Variants in NXPE2 observed in about 807,000 individuals in gnomAD.
NXPE2 encodes NXPE family member 2.
A neutral mutation model predicts 34.4 loss-of-function variants in NXPE2; 34 were observed. The ratio of observed to expected loss-of-function variants is 0.99; its 90% CI spans 0.75 to 1.31. The LOEUF is 1.31. Ranked by LOEUF, NXPE2 falls within the 40% of genes most tolerant of loss-of-function variation. NXPE2 has a pLI of 0.00. For missense variants in NXPE2, 649 were observed against 672.5 expected (o/e 0.97, Z 0.39); for synonymous variants, 235 against 231.3 (o/e 1.02, Z -0.15).
At position 114,706,920 on chromosome 11, in the gene NXPE2, A is replaced by G; in HGVS notation, c.1670A>G (p.Tyr557Cys). The change falls in exon 6 of 6, where the codon TAC (tyrosine) becomes TGC (cysteine). Residue 557 changes from tyrosine (Y) to cysteine (C), a missense_variant. Coordinates refer to ENST00000389586, the MANE Select transcript of NXPE2 (RefSeq NM_182495.6). ...AATCAGATTGGCATGTTCTTAAACTACATTTGTTAGAGGAAAAATACAAAA... is the reference window on the plus strand; with the variant it reads ...AATCAGATTGGCATGTTCTTAAACTGCATTTGTTAGAGGAAAAATACAAAA... ...IQNQIGMFLN[Y>C]IC The G allele has an allele frequency of 6.5e-7, 1 of 1,542,604 alleles. No individual in the cohort carries two copies. The highest frequency in any genetic ancestry group is 8.8e-7 in the Non-Finnish European group (1 of 1,140,640).
chr11:114,626,728 G>T, the NXPE2 span, among the ~76,000 whole-genome samples: 3 of 152,120 alleles, frequency 2.0e-5, no homozygotes, highest in Admixed American at 2.0e-4. Flanking sequence ...TCCGAGCTAT[G>T]GGAGGACATT....
the NXPE2 span, among the ~76,000 whole-genome samples, chr11:114,622,925 G>A: frequency 6.6e-5 from 10 of 152,190 alleles, no homozygotes; most frequent in South Asian, 2.1e-4. Context: ...TGGATAATAC[G>A]TATTGCCTCG....
chr11:114,711,526 CA>C (rs1859611950), downstream of NXPE2, among the ~76,000 whole-genome samples: 1 of 151,932 alleles, frequency 6.6e-6, no homozygotes, highest in Admixed American at 6.6e-5. Flanking sequence ...CTTACAGCAC[CA>C]AAAAGGATAA....
chr11:114,576,151 T>C, the NXPE2 span, among the ~76,000 whole-genome samples: 2,583 of 152,094 alleles, frequency 0.017, 57 homozygotes, highest in African/African-American at 0.056. Flanking sequence ...AAGCCACATA[T>C]AAAAGAATGA....
the NXPE2 span, among the ~76,000 whole-genome samples, chr11:114,620,865 G>T: frequency 6.6e-6 from 1 of 152,140 alleles, no homozygotes; most frequent in African/African-American, 2.4e-5. Flanking sequence ...ACTGTTACCC[G>T]ATGGATAATA....
chr11:114,546,487 A>G, the NXPE2 span, among the ~76,000 whole-genome samples: 1 of 147,366 alleles, frequency 6.8e-6, no homozygotes, highest in East Asian at 2.0e-4. Context: ...TTTTTTTTAG[A>G]GATGGGGTTT....
intron 5 of NXPE2, 36 bp from the exon 6 acceptor site, chr11:114,706,359 T>G: frequency 6.8e-7 from 1 of 1,467,382 alleles, no homozygotes; most frequent in Non-Finnish European, 9.0e-7. Flanking sequence ...ATCATTTTCC[T>G]TTTGTTAAAA....
chr11:114,582,644 G>A, the NXPE2 span: 19 of 1,614,028 alleles, frequency 1.2e-5, no homozygotes, highest in Non-Finnish European at 1.5e-5. Flanking sequence ...TGCCGTTGTT[G>A]AAGTCAGTCA....
the NXPE2 span, among the ~76,000 whole-genome samples, chr11:114,574,285 G>C: frequency 6.6e-6 from 1 of 151,768 alleles, no homozygotes. Context: ...ATAAACTAAT[G>C]TCATAGCTCA....
chr11:114,537,568 G>A, the NXPE2 span, among the ~76,000 whole-genome samples: 13 of 152,302 alleles, frequency 8.5e-5, no homozygotes, highest in Admixed American at 5.2e-4. Context: ...AAGCTGATAA[G>A]CAACTTCAGC....
At chr11:114,761,764 C>G in the NXPE2 span, among the ~76,000 whole-genome samples, 2 of 151,200 alleles carry the variant, frequency 1.3e-5, no homozygotes, top group African/African-American at 2.4e-5. Context: ...TTAGTAGAGA[C>G]GGGGTTTCAC....
rs1484555599 is a variant in NXPE2, at chr11:114,706,488, A to G, written c.1238A>G (p.His413Arg). The change falls in exon 6 of 6, where the codon CAT becomes CGT. Residue 413 changes from histidine (H) to arginine (R), a missense_variant. By Grantham distance (29) the His-to-Arg change is conservative. Transcript: ENST00000389586. ...ERHILIQWKKHGHPFVTKKLF... is the reference protein window; with the variant it reads ...ERHILIQWKKRGHPFVTKKLF... ...CATATTTTGATTCAGTGGAAAAAAC[A>G]TGGTCATCCATTTGTTACCAAAAAA... 3 of 1,551,662 alleles carry G rather than the reference A, an allele frequency of 1.9e-6. No homozygotes were observed. The highest frequency in any genetic ancestry group is 3.9e-5 in the Admixed American group (2 of 50,980).
At chr11:114,601,609 A>T in the NXPE2 span, among the ~76,000 whole-genome samples, 1 of 76,970 alleles carries the variant, frequency 1.3e-5, no homozygotes, top group African/African-American at 5.3e-5. Context: ...ATAATTATAT[A>T]TAATTATATA....
chr11:114,481,174 G>A, the NXPE2 span, among the ~76,000 whole-genome samples: 2 of 152,172 alleles, frequency 1.3e-5, no homozygotes, highest in Non-Finnish European at 2.9e-5. Context: ...TCCCACTTTT[G>A]ACAGAAGGCT....
the NXPE2 span, among the ~76,000 whole-genome samples, chr11:114,513,839 T>C: frequency 6.6e-6 from 1 of 151,588 alleles, no homozygotes. Context: ...AATGAAAAAA[T>C]TAACACTTTC....
At chr11:114,691,798 A>C (rs1951156398) in intron 2 of NXPE2, among the ~76,000 whole-genome samples, 1 of 152,108 alleles carries the variant, frequency 6.6e-6, no homozygotes, top group Admixed American at 6.5e-5. Flanking sequence ...CCTTAGGGGC[A>C]GATAGTGCTG....
chr11:114,628,839 T>C, the NXPE2 span, among the ~76,000 whole-genome samples: 2 of 151,600 alleles, frequency 1.3e-5, no homozygotes, highest in African/African-American at 4.9e-5. Flanking sequence ...ATAAAGGGGA[T>C]ATCACCACCG....
the NXPE2 span, among the ~76,000 whole-genome samples, chr11:114,479,173 A>C: frequency 6.6e-6 from 1 of 152,310 alleles, no homozygotes; most frequent in Non-Finnish European, 1.5e-5. Context: ...CCCATACTTT[A>C]ACAAGCTCCT....
the NXPE2 span, among the ~76,000 whole-genome samples, chr11:114,479,175 C>T: frequency 1.3e-5 from 2 of 152,198 alleles, no homozygotes; most frequent in Non-Finnish European, 2.9e-5. Flanking sequence ...CATACTTTAA[C>T]AAGCTCCTCT....
Sources: allele counts gnomAD v4.1 joint callset (sites outside exome capture counted in the v4.1 genomes callset), GRCh38; gene constraint gnomAD v4.1.1; transcripts MANE v1.5; gene names NCBI Gene and HGNC (gene_info 2026-07-23, HGNC 2026-07-21).